Variants in CSMD3 observed in about 807,000 individuals in gnomAD.
CSMD3 encodes CUB and sushi domain-containing protein 3.
A neutral mutation model predicts 435.2 loss-of-function variants in CSMD3; 177 were observed. The observed-to-expected ratio is 0.41, with a 90% CI of 0.36 to 0.46. CSMD3 has a LOEUF of 0.46. Among genes scored for constraint, CSMD3 ranks in the 20% least tolerant of loss-of-function variants. CSMD3 has a pLI of 0.34. For synonymous variants in CSMD3, 1,656 were observed against 1,520.5 expected (o/e 1.09, Z -2.07); for missense variants, 4,265 against 4,504.6 (o/e 0.95, Z 1.52).
At chr8:112,984,231 C>T (rs2085163390) in intron 6 of CSMD3, among the ~76,000 whole-genome samples, 2 of 151,452 alleles carry the variant, frequency 1.3e-5, no homozygotes. Flanking sequence ...AAATGTATTT[C>T]TTATGTGATT....
intron 1 of CSMD3, among the ~76,000 whole-genome samples, chr8:113,334,085 A>G (rs1563712970): frequency 6.6e-6 from 1 of 151,882 alleles, no homozygotes; most frequent in Non-Finnish European, 1.5e-5. Context: ...TACAAAAATT[A>G]CGATTTTTAA....
intron 25 of CSMD3, among the ~76,000 whole-genome samples, chr8:112,555,377 A>T (rs1283094475): frequency 6.6e-6 from 1 of 151,988 alleles, no homozygotes; most frequent in East Asian, 1.9e-4. Context: ...ATATTTATAC[A>T]TTTATGGTAT....
chr8:113,362,129 A>G (rs2132994072), intron 1 of CSMD3, among the ~76,000 whole-genome samples: 1 of 152,316 alleles, frequency 6.6e-6, no homozygotes, highest in South Asian at 2.1e-4. Flanking sequence ...CATTGAACAT[A>G]CAAGTCCAGC....
At position 112,224,841 on chromosome 8, in the gene CSMD3, T is replaced by A. The variant is rs753793600; in HGVS notation, c.11054A>T (p.Asn3685Ile). The A allele has an allele frequency of 6.2e-7, 1 of 1,614,102 alleles. No individual in the cohort carries two copies. Among genetic ancestry groups the A allele is most frequent in the Non-Finnish European group, 8.5e-7 (1 of 1,179,952 alleles). ...AAFENPMYDTNAKSVEGKAVR... is the reference protein window; with the variant it reads ...AAFENPMYDTIAKSVEGKAVR... Reference sequence around the variant, plus strand: ...CGCCTTCCCTTCCACTGACTTTGCGTTGGTGTCATACATGGGATTTTCAAA... The same window carrying A: ...CGCCTTCCCTTCCACTGACTTTGCGATGGTGTCATACATGGGATTTTCAAA... Residue 3685 changes from asparagine to isoleucine, a missense_variant, in exon 71 of 71, where the codon AAC (asparagine) becomes ATC (isoleucine). Asn to Ile is a moderately radical substitution (Grantham distance 149). Transcript: ENST00000297405.
intron 3 of CSMD3, among the ~76,000 whole-genome samples, chr8:113,214,169 T>C (rs2092873176): frequency 6.6e-6 from 1 of 152,024 alleles, no homozygotes; most frequent in Admixed American, 6.6e-5. Flanking sequence ...TCTTGGGGGA[T>C]TCTTTTCTGT....
chr8:112,607,128 A>G (rs1832860249), intron 22 of CSMD3, among the ~76,000 whole-genome samples: 1 of 151,772 alleles, frequency 6.6e-6, no homozygotes, highest in African/African-American at 2.4e-5. Context: ...AAATTTGTAA[A>G]CTTCAGCTAT....
At chr8:112,602,605 C>T (rs1047009146) in intron 22 of CSMD3, among the ~76,000 whole-genome samples, 3 of 150,666 alleles carry the variant, frequency 2.0e-5, no homozygotes, top group African/African-American at 7.3e-5. Context: ...AAATTAGTGT[C>T]TAACTTTTGA....
At chr8:112,906,870 C>T (rs1212621290) in intron 10 of CSMD3, among the ~76,000 whole-genome samples, 1 of 151,436 alleles carries the variant, frequency 6.6e-6, no homozygotes, top group African/African-American at 2.4e-5. Flanking sequence ...GTAAAACTGC[C>T]TTTTTCAAAG....
intron 32 of CSMD3, among the ~76,000 whole-genome samples, chr8:112,431,573 GGT>G (rs1276328883): frequency 7.9e-5 from 12 of 152,084 alleles, no homozygotes; most frequent in Non-Finnish European, 1.6e-4. Flanking sequence ...TCTTTAGAGA[GGT>G]CGAGCTTGAA....
At chr8:112,981,662 C>G (rs2085058193) in intron 6 of CSMD3, among the ~76,000 whole-genome samples, 2 of 151,564 alleles carry the variant, frequency 1.3e-5, no homozygotes, top group African/African-American at 4.8e-5. Context: ...CTACTAAAAT[C>G]ACTTTGTGAC....
At chr8:112,614,885 C>G (rs576637442) in intron 22 of CSMD3, among the ~76,000 whole-genome samples, 2 of 151,882 alleles carry the variant, frequency 1.3e-5, no homozygotes, top group East Asian at 1.9e-4. Context: ...TTTCAGATAC[C>G]GTGTTTAAGT....
intron 19 of CSMD3, among the ~76,000 whole-genome samples, chr8:112,646,670 C>G (rs1368589512): frequency 6.6e-6 from 1 of 152,066 alleles, no homozygotes; most frequent in African/African-American, 2.4e-5. Flanking sequence ...AACATTCGTA[C>G]TATTACTTTG....
chr8:112,945,458 T>C (rs1361647358), intron 9 of CSMD3, among the ~76,000 whole-genome samples: 4 of 151,848 alleles, frequency 2.6e-5, no homozygotes, highest in Middle Eastern at 3.4e-3. Flanking sequence ...AAGTAGCCTA[T>C]GGGTACACAT....
intron 2 of CSMD3, among the ~76,000 whole-genome samples, chr8:113,292,658 T>G (rs1464678028): frequency 6.6e-6 from 1 of 151,874 alleles, no homozygotes; most frequent in Non-Finnish European, 1.5e-5. Flanking sequence ...ATGTAATTTT[T>G]GAGGTAACAT....
At chr8:113,170,908 T>C (rs1479156364) in intron 4 of CSMD3, among the ~76,000 whole-genome samples, 1 of 151,772 alleles carries the variant, frequency 6.6e-6, no homozygotes, top group Non-Finnish European at 1.5e-5. Flanking sequence ...ATCATAGAAG[T>C]TAGAGTGGTG....
At chr8:112,882,175 TA>T (rs1386481434) in intron 10 of CSMD3, among the ~76,000 whole-genome samples, 1 of 151,908 alleles carries the variant, frequency 6.6e-6, no homozygotes, top group Non-Finnish European at 1.5e-5. Context: ...CCAGAGTCTT[TA>T]TGTCAAAAGG....
At chr8:113,260,252 A>G (rs973187990) in intron 3 of CSMD3, among the ~76,000 whole-genome samples, 11 of 152,290 alleles carry the variant, frequency 7.2e-5, no homozygotes, top group Non-Finnish European at 1.2e-4. Flanking sequence ...TCAACTTACT[A>G]TAACTACCTA....
Position 112,827,164 on chromosome 8 carries a change from AAT to A in CSMD3, c.1859+2520_1859+2521del, listed in dbSNP as rs3047126. ...TTCTGTATTTTACTAGGTTACCATA[AAT>A]ATATATATATATATATATATATATA... On this transcript the variant is annotated intron_variant, in intron 12 of 70. Coordinates refer to ENST00000297405, the MANE Select transcript of CSMD3 (RefSeq NM_198123.2). 3.8e-3 allele frequency among the ~76,000 whole-genome samples: 315 copies of A among 82,782 alleles called. 1 individual carries two copies. The highest frequency in any genetic ancestry group is 8.6e-3 in the Middle Eastern group (1 of 116). The allele number at this position is 82,782 out of a possible 152,430, so 54.3% of individuals were successfully genotyped here.
intron 32 of CSMD3, among the ~76,000 whole-genome samples, chr8:112,423,907 A>T (rs779649027): frequency 1.3e-5 from 2 of 152,208 alleles, no homozygotes; most frequent in Non-Finnish European, 2.9e-5. Context: ...TAGGCCTGGC[A>T]GAAGCTGTGA....
Sources: allele counts gnomAD v4.1 joint callset (sites outside exome capture counted in the v4.1 genomes callset), GRCh38; gene constraint gnomAD v4.1.1; transcripts MANE v1.5; gene names NCBI Gene and HGNC (gene_info 2026-07-23, HGNC 2026-07-21).